Variants in SIPA1L1 observed in about 807,000 individuals in gnomAD.
SIPA1L1 encodes the protein signal induced proliferation associated 1 like 1.
A neutral mutation model predicts 162.7 loss-of-function variants in SIPA1L1; 26 were observed. The observed-to-expected ratio is 0.16, with a 90% CI of 0.12 to 0.22. SIPA1L1 has a LOEUF of 0.22. SIPA1L1 is among the 10% of genes least tolerant of loss of function. The probability of loss-of-function intolerance (pLI) is 1.00; values close to 1 mark genes in which losing one functional copy is unlikely to be tolerated. For missense variants in SIPA1L1, 1,874 were observed against 2,241.0 expected, an observed-to-expected ratio of 0.84 and a Z score of 3.31; for synonymous variants, 829 against 837.4, an observed-to-expected ratio of 0.99 and a Z score of 0.17.
At chr14:71,645,365 A>G (rs1005443348) in intron 7 of SIPA1L1, among the ~76,000 whole-genome samples, 2 of 152,170 alleles carry the variant, frequency 1.3e-5, no homozygotes, top group Non-Finnish European at 2.9e-5. Flanking sequence ...CACAGGATCT[A>G]GGGATTAGGA....
chr14:71,495,787 C>T (rs1055888693), intron 2 of SIPA1L1, among the ~76,000 whole-genome samples: 3 of 147,712 alleles, frequency 2.0e-5, no homozygotes, highest in Non-Finnish European at 4.4e-5. Flanking sequence ...CAGTGTTTCA[C>T]ACCTGTAATC....
At position 71,733,764 on chromosome 14, in the gene SIPA1L1, G is replaced by A. The variant is rs1291220949; in HGVS notation, c.4960G>A (p.Ala1654Thr). ...CCTGATGCCCCTGCCTGACACTGCT[G>A]CAGACTTGGATTGGTCCAACCTGGT... Reference protein sequence around the residue: ...PGLMPLPDTAADLDWSNLVDA... With the variant: ...PGLMPLPDTATDLDWSNLVDA... Residue 1654 changes from alanine (A) to threonine (T), a missense_variant, in exon 21 of 24, where the codon GCA becomes ACA. This residue lies in a region of SIPA1L1 where 936 missense variants were observed against 1,051.9 expected (regional missense o/e 0.89). Coordinates refer to ENST00000381232, the MANE Select transcript of SIPA1L1 (RefSeq NM_001386936.1). 1 of 1,613,484 alleles carries A rather than the reference G, an allele frequency of 6.2e-7. No individual in the cohort carries two copies. Among genetic ancestry groups the A allele is most frequent in the East Asian group, 2.2e-5 (1 of 44,876 alleles).
chr14:71,705,282 G>A lies in SIPA1L1; in HGVS notation c.3707G>A (p.Ser1236Asn). 1 of 1,614,202 alleles carries A rather than the reference G, an allele frequency of 6.2e-7. No individual in the cohort carries two copies. Among genetic ancestry groups the A allele is most frequent in the Non-Finnish European group, 8.5e-7 (1 of 1,180,028 alleles). The change falls in exon 16 of 24, where the codon AGT becomes AAT. Residue 1236 changes from serine to asparagine, a missense_variant. Physicochemically the swap from Ser to Asn is conservative, Grantham distance 46 (BLOSUM62 1). Transcript: ENST00000381232. The part of the protein sequence containing the change: ...KVLPAFRESP[S>N]GRLMRQDPVV... ...CTGCCAGCTTTCCGAGAGAGCCCCA[G>A]TGGGAGATTAATGCGGCAGGATCCA...
At chr14:71,641,532 C>A (rs899096798) in intron 7 of SIPA1L1, among the ~76,000 whole-genome samples, 14 of 152,120 alleles carry the variant, frequency 9.2e-5, no homozygotes, top group African/African-American at 3.4e-4. Flanking sequence ...ACCATCCTGG[C>A]TAATACAGTG....
Position 71,739,257 on chromosome 14 carries a change from C to A in SIPA1L1, c.*96C>A. ...TCCATAGAAAGCATCCTCAGAGCAC[C>A]TTCCCTGGCTTCCTACTCTGCCCCC... On this transcript the variant is annotated 3_prime_UTR_variant, in exon 24 of 24. Transcript: ENST00000381232. 1.7e-6 allele frequency: 2 copies of A among 1,210,916 alleles called. No homozygotes were observed. The highest frequency in any genetic ancestry group is 2.2e-6 in the Non-Finnish European group (2 of 897,820). 75.0% of individuals were successfully genotyped at this position (1,210,916 alleles called of 1,614,324 possible). A position where few individuals can be genotyped will look rare whatever the true frequency, so the allele number is the denominator to read the frequency against.
intron 7 of SIPA1L1, among the ~76,000 whole-genome samples, chr14:71,640,412 T>C (rs1406649531): frequency 6.6e-6 from 1 of 152,182 alleles, no homozygotes; most frequent in East Asian, 1.9e-4. Context: ...TAACAATATC[T>C]TACAGTGCTT....
chr14:71,658,303 A>T, intron 8 of SIPA1L1, 30 bp from the exon 9 acceptor site: 13 of 943,480 alleles, frequency 1.4e-5, no homozygotes, highest in Non-Finnish European at 2.1e-5. Flanking sequence ...TGTTATAGTC[A>T]TCTCATCATT....
intron 3 of SIPA1L1, among the ~76,000 whole-genome samples, chr14:71,522,988 A>C (rs1013550783): frequency 1.3e-5 from 2 of 152,020 alleles, no homozygotes; most frequent in Non-Finnish European, 2.9e-5. Context: ...CTCTCTTTTA[A>C]GGTTTGCATT....
rs566587869 is a variant in SIPA1L1 at position 71,556,747 on chromosome 14, T to G, written c.-303+27377T>G. On this transcript the variant is annotated intron_variant, in intron 4 of 23. Transcript: ENST00000381232. ...CTCTCCAGAAGCTCTTCAAACCTGG[T>G]CCTTTGGGTTTTTATACAAGGAGGT... Among the ~76,000 whole-genome samples, 93 of 152,362 alleles carry G rather than the reference T, an allele frequency of 6.1e-4. 4 individuals carry two copies. In the South Asian group the frequency reaches 0.019, roughly 31 times the overall value.
chr14:71,707,416 T>C (rs1480622290), intron 16 of SIPA1L1, among the ~76,000 whole-genome samples: 3 of 152,182 alleles, frequency 2.0e-5, no homozygotes, highest in Non-Finnish European at 2.9e-5. Flanking sequence ...CACAGAGTTA[T>C]CCGGCCAGCA....
At chr14:71,441,252 T>C (rs2044827431) in intron 2 of SIPA1L1, among the ~76,000 whole-genome samples, 1 of 152,180 alleles carries the variant, frequency 6.6e-6, no homozygotes, top group South Asian at 2.1e-4. Flanking sequence ...TATTTATGGA[T>C]CTGTTTCTGA....
intron 2 of SIPA1L1, among the ~76,000 whole-genome samples, chr14:71,395,990 T>C (rs1228951987): frequency 6.6e-6 from 1 of 152,176 alleles, no homozygotes; most frequent in Non-Finnish European, 1.5e-5. Context: ...ATGATGGAGC[T>C]CATGCCTTTT....
At chr14:71,695,205 A>G (rs919655998) in intron 13 of SIPA1L1, among the ~76,000 whole-genome samples, 6 of 152,136 alleles carry the variant, frequency 3.9e-5, no homozygotes, top group Non-Finnish European at 8.8e-5. Flanking sequence ...CTAATTCTGA[A>G]TTTTTCTTTG....
At chr14:71,338,455 C>T (rs761810005) in intron 2 of SIPA1L1, among the ~76,000 whole-genome samples, 67 of 152,160 alleles carry the variant, frequency 4.4e-4, no homozygotes, top group South Asian at 1.2e-3. Context: ...TGTGTCCCAT[C>T]GTTGGAGGCC....
chr14:71,470,723 C>T (rs2047385110), intron 2 of SIPA1L1, among the ~76,000 whole-genome samples: 2 of 152,220 alleles, frequency 1.3e-5, no homozygotes, highest in South Asian at 4.1e-4. Context: ...AGTCTGTTCC[C>T]AAGCTGTGAC....
At chr14:71,652,402 A>G (rs2042698807) in intron 8 of SIPA1L1, among the ~76,000 whole-genome samples, 1 of 152,204 alleles carries the variant, frequency 6.6e-6, no homozygotes, top group South Asian at 2.1e-4. Flanking sequence ...GAAACTTTGA[A>G]TATAATTCTT....
chr14:71,583,191 A>G (rs535534437), intron 4 of SIPA1L1, among the ~76,000 whole-genome samples: 27 of 152,328 alleles, frequency 1.8e-4, no homozygotes, highest in African/African-American at 6.0e-4. Flanking sequence ...GGGTATTACC[A>G]TGTTACCTAG....
intron 4 of SIPA1L1, among the ~76,000 whole-genome samples, chr14:71,552,634 G>A (rs1390724650): frequency 6.6e-6 from 1 of 151,952 alleles, no homozygotes; most frequent in African/African-American, 2.4e-5. Flanking sequence ...CTGACCTTGT[G>A]ATCCGCCCGC....
intron 2 of SIPA1L1, among the ~76,000 whole-genome samples, chr14:71,375,629 A>G (rs1012513113): frequency 6.6e-5 from 10 of 152,274 alleles, no homozygotes; most frequent in Admixed American, 4.6e-4. Flanking sequence ...AAGTGGTGAT[A>G]TCAAGCATTC....
Sources: allele counts gnomAD v4.1 joint callset (sites outside exome capture counted in the v4.1 genomes callset), GRCh38; gene constraint gnomAD v4.1.1; regional missense constraint gnomAD v4.1.1; transcripts MANE v1.5; gene names NCBI Gene and HGNC (gene_info 2026-07-23, HGNC 2026-07-21).